MYT1L: variants seen among roughly 807,000 people sequenced by gnomAD.
MYT1L encodes the protein myelin transcription factor 1 like.
Under a neutral mutation model 126.7 loss-of-function variants are expected in MYT1L, and 12 were observed. The observed-to-expected ratio is 0.09, with a 90% CI of 0.06 to 0.15. The LOEUF is 0.15. Among genes scored for constraint, MYT1L ranks in the 10% least tolerant of loss-of-function variants. The pLI, the probability that MYT1L is intolerant of heterozygous loss-of-function variation, is 1.00. For missense variants in MYT1L, 979 were observed against 1,585.2 expected (o/e 0.62, Z 6.49); for synonymous variants, 541 against 604.2 (o/e 0.90, Z 1.53).
intron 2 of MYT1L, among the ~76,000 whole-genome samples, chr2:2,217,700 CAACAACAAAAA>C (rs2093725853): frequency 2.8e-5 from 2 of 72,686 alleles, no homozygotes; most frequent in Non-Finnish European, 5.2e-5. Flanking sequence ...ACAACAACAA[CAACAACAAAAA>C]AAAAAAAAGA....
At chr2:2,190,571 A>G (rs893106603) in intron 2 of MYT1L, among the ~76,000 whole-genome samples, 1 of 151,174 alleles carries the variant, frequency 6.6e-6, no homozygotes, top group African/African-American at 2.5e-5. Flanking sequence ...AAAAAAAAAA[A>G]AAAAAAGAAG....
intron 3 of MYT1L, among the ~76,000 whole-genome samples, chr2:2,081,679 C>A (rs1007279315): frequency 6.6e-6 from 1 of 152,134 alleles, no homozygotes; most frequent in African/African-American, 2.4e-5. Context: ...CAAGGCAAGT[C>A]CCAGAGGTTA....
intron 14 of MYT1L, among the ~76,000 whole-genome samples, chr2:1,899,887 C>T (rs748176665): frequency 6.6e-6 from 1 of 152,160 alleles, no homozygotes; most frequent in African/African-American, 2.4e-5. Flanking sequence ...GACAGATGGA[C>T]AGCAAGCACT....
intron 3 of MYT1L, among the ~76,000 whole-genome samples, chr2:2,118,220 G>A (rs929236598): frequency 6.6e-6 from 1 of 151,808 alleles, no homozygotes; most frequent in Non-Finnish European, 1.5e-5. Flanking sequence ...AAATGAAGGT[G>A]GGAAACTGAC....
rs974294161 is a variant in MYT1L at position 2,094,793 on chromosome 2, C to G, written c.-303-40670G>C. Among the ~76,000 whole-genome samples the G allele has an allele frequency of 4.1e-3, 627 of 151,320 alleles. 5 individuals carry two copies. The highest frequency in any genetic ancestry group is 0.014 in the African/African-American group (595 of 41,068). ...GCTGTGGGGTGGGGGGAGGGGGGAG[C>G]GATAGCATTAGGAGATATACCTATT... On this transcript the variant is annotated intron_variant, in intron 3 of 24. Coordinates refer to ENST00000647738, the MANE Select transcript of MYT1L (RefSeq NM_001303052.2).
At chr2:1,945,750 A>G (rs1432881637) in intron 8 of MYT1L, among the ~76,000 whole-genome samples, 3 of 152,202 alleles carry the variant, frequency 2.0e-5, no homozygotes, top group Admixed American at 2.0e-4. Context: ...TGTAATAGTG[A>G]TAATAACAAG....
Position 1,892,029 on chromosome 2 carries a change from G to C in MYT1L, c.2283+8C>G, listed in dbSNP as rs1462415086. ...GCCAGGTGGCTCCACCTGCCCAGGC[G>C]CGCGTACCCGCGTGGCGCACAGGTC... On this transcript the variant is annotated splice_region_variant and intron_variant, in intron 15 of 24. Transcript: ENST00000647738. The C allele has an allele frequency of 2.0e-6, 3 of 1,516,520 alleles. No homozygotes were observed. In the African/African-American group the frequency reaches 4.1e-5, roughly 21 times the overall value. The allele number at this position is 1,516,520 out of a possible 1,614,324, so 93.9% of individuals were successfully genotyped here. A position where few individuals can be genotyped will look rare whatever the true frequency, so the allele number is the denominator to read the frequency against.
chr2:2,205,644 A>G (rs1040883878), intron 2 of MYT1L, among the ~76,000 whole-genome samples: 3 of 152,146 alleles, frequency 2.0e-5, no homozygotes, highest in Non-Finnish European at 2.9e-5. Flanking sequence ...GAACAATGTC[A>G]AGAGCCATTT....
rs2036714163 is a variant in MYT1L at position 1,811,832 on chromosome 2, C to T, written c.3081-2665G>A. ...CCTGGCAGTCGTCCCCACTCCGGGGCACCCTCCTGGGTCTTCTCCTGCCTC... is the reference window on the plus strand; with the variant it reads ...CCTGGCAGTCGTCCCCACTCCGGGGTACCCTCCTGGGTCTTCTCCTGCCTC... On this transcript the variant is annotated intron_variant, in intron 21 of 24. Coordinates refer to ENST00000647738, the MANE Select transcript of MYT1L (RefSeq NM_001303052.2). The surrounding 1 kb of genome is among the most constrained non-coding windows in gnomAD (Gnocchi z 4.4). Among the ~76,000 whole-genome samples, 1 of 152,150 alleles carries T rather than the reference C, an allele frequency of 6.6e-6. No homozygotes were observed. Among genetic ancestry groups the T allele is most frequent in the Non-Finnish European group, 1.5e-5 (1 of 68,038 alleles).
At chr2:2,089,881 AAT>A (rs1308496573) in intron 3 of MYT1L, among the ~76,000 whole-genome samples, 7 of 152,194 alleles carry the variant, frequency 4.6e-5, no homozygotes, top group African/African-American at 1.4e-4. Context: ...TGGCAGTGAA[AAT>A]ATGTCATAAC....
intron 18 of MYT1L, among the ~76,000 whole-genome samples, chr2:1,873,562 A>C (rs1171734198): frequency 1.3e-5 from 2 of 152,208 alleles, no homozygotes; most frequent in Non-Finnish European, 2.9e-5. Context: ...GCCAGCATTA[A>C]TAAGAATGAC....
chr2:1,929,236 C>A lies in MYT1L; in HGVS notation c.506-5973G>T, dbSNP rs6741568. On this transcript the variant is annotated intron_variant, in intron 9 of 24. Transcript: ENST00000647738. The surrounding 1 kb of genome is among the most constrained non-coding windows in gnomAD (Gnocchi z 4.7). ...CTCCTAGGTGCGGCGCTGACCTCGG[C>A]GCCCCTCAGCTGCCGGCAGCACAGG... Among the ~76,000 whole-genome samples the A allele has an allele frequency of 0.45, 69,084 of 151,868 alleles. 17,740 individuals carry two copies. Among genetic ancestry groups the A allele is most frequent in the African/African-American group, 0.7 (29,057 of 41,412 alleles).
At chr2:1,815,347 C>T (rs1220377676) in intron 21 of MYT1L, among the ~76,000 whole-genome samples, 1 of 152,172 alleles carries the variant, frequency 6.6e-6, no homozygotes, top group Non-Finnish European at 1.5e-5. Context: ...TCCTCTCTGT[C>T]GCTGGGGTCC....
chr2:2,246,900 C>T (rs747464693), intron 2 of MYT1L, among the ~76,000 whole-genome samples: 1 of 152,164 alleles, frequency 6.6e-6, no homozygotes, highest in Non-Finnish European at 1.5e-5. Context: ...ATGTAGCCCA[C>T]AGAGCATGGA....
At chr2:2,299,510 T>C (rs1480932858) in intron 1 of MYT1L, among the ~76,000 whole-genome samples, 1 of 152,042 alleles carries the variant, frequency 6.6e-6, no homozygotes. Context: ...AGGGTGGGAG[T>C]TGGGGTTCTT....
intron 2 of MYT1L, among the ~76,000 whole-genome samples, chr2:2,189,679 G>A (rs765833216): frequency 8.1e-4 from 124 of 152,232 alleles, no homozygotes; most frequent in Admixed American, 4.6e-3. Context: ...AAATCTCTGC[G>A]AGGGCTTCAG....
chr2:2,207,397 A>G (rs2093358070), intron 2 of MYT1L, among the ~76,000 whole-genome samples: 1 of 152,184 alleles, frequency 6.6e-6, no homozygotes, highest in Non-Finnish European at 1.5e-5. Context: ...AAAAGACAGA[A>G]GCGTCCAGAA....
At chr2:2,109,880 T>TAC (rs2079187823) in intron 3 of MYT1L, among the ~76,000 whole-genome samples, 1 of 32,174 alleles carries the variant, frequency 3.1e-5, no homozygotes, top group African/African-American at 1.2e-4. Flanking sequence ...TGATTTTATA[T>TAC]ATATATATAT....
chr2:1,897,150 T>C (rs2049701901), intron 14 of MYT1L, among the ~76,000 whole-genome samples: 1 of 152,244 alleles, frequency 6.6e-6, no homozygotes, highest in Admixed American at 6.5e-5. Flanking sequence ...TTAAAAGTTT[T>C]AATTAAAACA....
Sources: gnomAD v4.1 joint callset for allele counts (sites outside exome capture counted in the v4.1 genomes callset) on GRCh38, gnomAD v4.1.1 for gene constraint, Gnocchi (gnomAD v3.1) non-coding constraint, MANE v1.5 for transcripts, NCBI Gene and HGNC (gene_info 2026-07-23, HGNC 2026-07-21) for gene names.